Variants in TMEM33 observed in about 807,000 individuals in gnomAD.
The protein encoded by TMEM33 is transmembrane protein 33.
A neutral mutation model predicts 29.7 loss-of-function variants in TMEM33; 16 were observed. The observed-to-expected ratio is 0.54, with a 90% CI of 0.36 to 0.82. The LOEUF (loss-of-function observed/expected upper bound fraction) is 0.82. TMEM33 is among the 40% of genes least tolerant of loss of function. The pLI, the probability that TMEM33 is intolerant of heterozygous loss-of-function variation, is 0.00. For missense variants in TMEM33, 252 were observed against 295.3 expected, an observed-to-expected ratio of 0.85 and a Z score of 1.08; for synonymous variants, 112 against 109.4, an observed-to-expected ratio of 1.02 and a Z score of -0.15.
intron 6 of TMEM33, among the ~76,000 whole-genome samples, chr4:41,949,992 C>G (rs1461647149): frequency 6.6e-6 from 1 of 152,040 alleles, no homozygotes; most frequent in African/African-American, 2.4e-5. Context: ...ATTGCTGGAG[C>G]TAAGATTAGA....
chr4:41,951,041 A>G (rs150531739), intron 6 of TMEM33, among the ~76,000 whole-genome samples: 2 of 142,286 alleles, frequency 1.4e-5, no homozygotes, highest in African/African-American at 4.8e-5. Context: ...AACAGGCTAT[A>G]AAACTACATT....
chr4:41,954,400 G>T lies in TMEM33; in HGVS notation c.*201G>T. 6.3e-6 allele frequency: 3 copies of T among 478,340 alleles called. No individual in the cohort carries two copies. Among genetic ancestry groups the T allele is most frequent in the Non-Finnish European group, 1.1e-5 (3 of 280,748 alleles). 29.6% of individuals were successfully genotyped at this position (478,340 alleles called of 1,614,324 possible). Reference sequence around the variant, plus strand: ...AGTTTTGAGAAAATTTTACTGCGCTGTGTTGCTAATGGTTAAAGAAGTCTG... The same window carrying T: ...AGTTTTGAGAAAATTTTACTGCGCTTTGTTGCTAATGGTTAAAGAAGTCTG... On this transcript the variant is annotated 3_prime_UTR_variant, in exon 7 of 7. Coordinates refer to ENST00000504986, the MANE Select transcript of TMEM33 (RefSeq NM_018126.3).
rs1367223658 is a variant in TMEM33 at position 41,957,448 on chromosome 4, GA to G, written c.*3251del. The G allele has an allele frequency of 1.3e-4, 20 of 151,992 alleles. No individual in the cohort carries two copies. Among genetic ancestry groups the G allele is most frequent in the Admixed American group, 1.3e-3 (20 of 15,272 alleles). 9.4% of individuals were successfully genotyped at this position (151,992 alleles called of 1,614,324 possible). A position where few individuals can be genotyped will look rare whatever the true frequency, so the allele number is the denominator to read the frequency against. ...TTAATAGGTTCTTTTATAGAGCTAA[GA>G]ATGATGAAACCATCAATACTTCCTT... On this transcript the variant is annotated 3_prime_UTR_variant, in exon 7 of 7. Transcript: ENST00000504986.
chr4:41,949,679 G>GAAAC (rs1424054724), intron 6 of TMEM33, among the ~76,000 whole-genome samples: 2 of 152,110 alleles, frequency 1.3e-5, no homozygotes, highest in African/African-American at 2.4e-5. Flanking sequence ...CCTAGTTGAA[G>GAAAC]AAACAAAACA....
Position 41,938,618 on chromosome 4 carries a change from A to G in TMEM33, c.62A>G (p.Asn21Ser), listed in dbSNP as rs775757198. The part of the protein sequence containing the change: ...GAGAVQFMMT[N>S]KLDTAMWLSR... ...TAAATTTAGCAATTCATGATGACCA[A>G]TAAACTGGACACGGCAATGTGGCTT... Residue 21 changes from asparagine (N) to serine (S), a missense_variant, in exon 2 of 7, where the codon AAT (asparagine) becomes AGT (serine). By Grantham distance (46) the Asn-to-Ser change is conservative. Coordinates refer to ENST00000504986, the MANE Select transcript of TMEM33 (RefSeq NM_018126.3). 3.7e-6 allele frequency: 6 copies of G among 1,614,036 alleles called. No homozygotes were observed. In the South Asian group the frequency reaches 4.4e-5, roughly 12 times the overall value.
Position 41,954,117 on chromosome 4 carries a change from A to G in TMEM33, c.662A>G (p.Lys221Arg). Residue 221 changes from lysine (K) to arginine (R), a missense_variant, in exon 7 of 7, where the codon AAA becomes AGA. Coordinates refer to ENST00000504986, the MANE Select transcript of TMEM33 (RefSeq NM_018126.3). ...LRIVVEHIIM[K>R]PACPLFVRRL... The stretch of plus-strand genomic sequence containing the variant: ...ATTGTTGTTGAACACATAATAATGA[A>G]ACCTGCTTGCCCACTGTTTGTGAGA... 2 of 1,613,998 alleles carry G rather than the reference A, an allele frequency of 1.2e-6. No individual in the cohort carries two copies. The highest frequency in any genetic ancestry group is 1.7e-6 in the Non-Finnish European group (2 of 1,179,874).
intron 1 of TMEM33, among the ~76,000 whole-genome samples, 179 bp from the exon 2 acceptor site, chr4:41,938,423 A>G (rs1263587719): frequency 2.0e-5 from 3 of 152,160 alleles, no homozygotes; most frequent in Non-Finnish European, 2.9e-5. Context: ...AGGTGTTTGG[A>G]CTTCTCATTA....
chr4:41,946,952 C>T (rs1167571001), intron 5 of TMEM33, among the ~76,000 whole-genome samples: 1 of 151,954 alleles, frequency 6.6e-6, no homozygotes, highest in Non-Finnish European at 1.5e-5. Context: ...ATGGTAGATA[C>T]CAGGCCGAGC....
At chr4:41,945,035 G>C in intron 5 of TMEM33, 109 bp downstream of exon 5, 1 of 1,369,856 alleles carries the variant, frequency 7.3e-7, no homozygotes, top group Non-Finnish European at 9.8e-7. Flanking sequence ...TTGACATGTA[G>C]AGCTAAATGA....
rs1461036490 is a variant in TMEM33 at position 41,960,407 on chromosome 4, G to T, written c.*6208G>T. 6.6e-6 allele frequency: 1 copy of T among 152,092 alleles called. No individual in the cohort carries two copies. The highest frequency in any genetic ancestry group is 2.4e-5 in the African/African-American group (1 of 41,428). The allele number at this position is 152,092 out of a possible 1,614,324, so 9.4% of individuals were successfully genotyped here. On this transcript the variant is annotated 3_prime_UTR_variant, in exon 7 of 7. Coordinates refer to ENST00000504986, the MANE Select transcript of TMEM33 (RefSeq NM_018126.3). ...ATTGAGGGAAATAATGTCTCTACTTGTAATTTATTGTGACCCTTTTTCACT... is the reference window on the plus strand; with the variant it reads ...ATTGAGGGAAATAATGTCTCTACTTTTAATTTATTGTGACCCTTTTTCACT...
chr4:41,943,247 G>A (rs957562944), intron 3 of TMEM33, among the ~76,000 whole-genome samples: 4 of 152,056 alleles, frequency 2.6e-5, no homozygotes, highest in African/African-American at 7.2e-5. Flanking sequence ...TGAATTGGCC[G>A]GGCGCAGTGA....
At chr4:41,939,456 C>A in intron 3 of TMEM33, 73 bp downstream of exon 3, 1 of 1,490,510 alleles carries the variant, frequency 6.7e-7, no homozygotes, top group Middle Eastern at 1.8e-4. Context: ...ATTATTTCAG[C>A]AATGAAGGCA....
chr4:41,937,024 C>T (rs758107525), intron 1 of TMEM33, among the ~76,000 whole-genome samples: 3 of 151,176 alleles, frequency 2.0e-5, no homozygotes, highest in Non-Finnish European at 4.4e-5. Flanking sequence ...GAATATTGCT[C>T]CTCAACAATT....
Position 41,958,211 on chromosome 4 carries a change from A to T in TMEM33, c.*4012A>T, listed in dbSNP as rs1713344290. 1.3e-5 allele frequency: 2 copies of T among 152,108 alleles called. No individual in the cohort carries two copies. The highest frequency in any genetic ancestry group is 1.3e-4 in the Admixed American group (2 of 15,274). 9.4% of individuals were successfully genotyped at this position (152,108 alleles called of 1,614,324 possible). On this transcript the variant is annotated 3_prime_UTR_variant, in exon 7 of 7. Coordinates refer to ENST00000504986, the MANE Select transcript of TMEM33 (RefSeq NM_018126.3). ...TTTTTAGTAGAGATGAGGTTTCACC[A>T]TGTTGGCCAGGCTGGTCTTGAACTC...
At chr4:41,944,529 G>C (rs1712693263) in intron 4 of TMEM33, among the ~76,000 whole-genome samples, 1 of 152,054 alleles carries the variant, frequency 6.6e-6, no homozygotes, top group African/African-American at 2.4e-5. Flanking sequence ...ACTATTTTTT[G>C]TTAAATAATC....
chr4:41,945,906 A>G (rs111428652), intron 5 of TMEM33, among the ~76,000 whole-genome samples: 4,192 of 149,156 alleles, frequency 0.028, 102 homozygotes, highest in African/African-American at 0.054. Context: ...GGGAGGTGGA[A>G]GTTGCAGTGA....
rs1006423648 is a variant in TMEM33 at position 41,956,915 on chromosome 4, A to C, written c.*2716A>C. On this transcript the variant is annotated 3_prime_UTR_variant, in exon 7 of 7. Transcript: ENST00000504986. The stretch of plus-strand genomic sequence containing the variant: ...ACCGGCTGATTTGGAATTTGAAATT[A>C]TAGTGTTACATGTATACCTATCAAA... The C allele has an allele frequency of 1.3e-5, 2 of 152,224 alleles. No individual in the cohort carries two copies. The highest frequency in any genetic ancestry group is 4.8e-5 in the African/African-American group (2 of 41,464). 9.4% of individuals were successfully genotyped at this position (152,224 alleles called of 1,614,324 possible). A position where few individuals can be genotyped will look rare whatever the true frequency, so the allele number is the denominator to read the frequency against.
Position 41,949,426 on chromosome 4 carries a change from A to C in TMEM33, c.614+41A>C, listed in dbSNP as rs563663496. The C allele has an allele frequency of 1.1e-5, 17 of 1,489,034 alleles. No homozygotes were observed. In the South Asian group the frequency reaches 2.0e-4, roughly 17 times the overall value. The allele number at this position is 1,489,034 out of a possible 1,614,324, so 92.2% of individuals were successfully genotyped here. The stretch of plus-strand genomic sequence containing the variant: ...TTTTAGGCATGTTTTATTTGTTGAG[A>C]GTATTGTGAATATATAGTATTCGCA... On this transcript the variant is annotated intron_variant, in intron 6 of 6. Transcript: ENST00000504986.
At chr4:41,943,481 C>T (rs530666561) in intron 3 of TMEM33, among the ~76,000 whole-genome samples, 71 of 151,556 alleles carry the variant, frequency 4.7e-4, no homozygotes, top group Admixed American at 3.8e-3. Flanking sequence ...GCCAAGATTA[C>T]GCCATTGCAC....
Sources: allele counts gnomAD v4.1 joint callset (sites outside exome capture counted in the v4.1 genomes callset), GRCh38; gene constraint gnomAD v4.1.1; transcripts MANE v1.5; gene names NCBI Gene and HGNC (gene_info 2026-07-23, HGNC 2026-07-21).